The following PALLD variants were observed in gnomAD, a reference collection of about 807,000 sequenced individuals.
PALLD encodes palladin.
A neutral mutation model predicts 123.5 loss-of-function variants in PALLD; 61 were observed. The observed-to-expected ratio is 0.49, with a 90% CI of 0.40 to 0.61. PALLD has a LOEUF of 0.61. Among genes scored for constraint, PALLD ranks in the 20% least tolerant of loss-of-function variants. The probability of loss-of-function intolerance (pLI) is 0.00; values close to 1 mark genes in which losing one functional copy is unlikely to be tolerated. For synonymous variants in PALLD, 465 were observed against 496.4 expected, an observed-to-expected ratio of 0.94 and a Z score of 0.84; for missense variants, 1,273 against 1,377.0, an observed-to-expected ratio of 0.92 and a Z score of 1.20.
At chr4:168,785,289 G>T (rs1736551626) in intron 10 of PALLD, among the ~76,000 whole-genome samples, 1 of 151,982 alleles carries the variant, frequency 6.6e-6, no homozygotes, top group South Asian at 2.1e-4. Context: ...AAGGAGCTTC[G>T]CTGTTTGTTC....
intron 2 of PALLD, among the ~76,000 whole-genome samples, chr4:168,524,432 A>G (rs891999078): frequency 2.0e-5 from 3 of 152,220 alleles, no homozygotes; most frequent in African/African-American, 7.2e-5. Flanking sequence ...ACTGAGACAA[A>G]CTGGCTCCTG....
chr4:168,556,689 A>C (rs1364813283), intron 2 of PALLD, among the ~76,000 whole-genome samples: 2 of 152,214 alleles, frequency 1.3e-5, no homozygotes, highest in Non-Finnish European at 2.9e-5. Context: ...CATTGTTACT[A>C]TCAGTCTTAA....
rs1163126584 is a variant in PALLD, at chr4:168,511,661, T to A, written c.157T>A (p.Ser53Thr). 6.2e-7 allele frequency: 1 copy of A among 1,614,168 alleles called. No homozygotes were observed. The highest frequency in any genetic ancestry group is 1.1e-5 in the South Asian group (1 of 91,084). ...CCTGGCCCGGAGAGCCATAGCCGACTCCGAAACAGAAGATTTTGACTCGGA... is the reference window on the plus strand; with the variant it reads ...CCTGGCCCGGAGAGCCATAGCCGACACCGAAACAGAAGATTTTGACTCGGA... ...LDLARRAIAD[S>T]ETEDFDSEKE... Residue 53 changes from serine to threonine, a missense_variant, in exon 2 of 22, where the codon TCC (serine) becomes ACC (threonine). Physicochemically the swap from Ser to Thr is moderately conservative, Grantham distance 58 (BLOSUM62 1). This residue lies in a region of PALLD where 944 missense variants were observed against 954.5 expected (regional missense o/e 0.99). Transcript: ENST00000505667.
intron 10 of PALLD, among the ~76,000 whole-genome samples, chr4:168,749,331 C>T (rs1054425707): frequency 1.3e-5 from 2 of 151,826 alleles, no homozygotes; most frequent in Admixed American, 1.3e-4. Context: ...CTCAGGTAGT[C>T]CTTTATAGAA....
At chr4:168,670,042 A>G (rs990885656) in intron 3 of PALLD, among the ~76,000 whole-genome samples, 1 of 152,198 alleles carries the variant, frequency 6.6e-6, no homozygotes, top group Non-Finnish European at 1.5e-5. Flanking sequence ...TTAAAATTTC[A>G]CTAATGAGTT....
intron 2 of PALLD, among the ~76,000 whole-genome samples, chr4:168,528,889 CTAA>C (rs1764325003): frequency 2.0e-5 from 3 of 152,060 alleles, no homozygotes. Flanking sequence ...TGAGTAAACT[CTAA>C]TGAGAACAAA....
chr4:168,588,198 T>C (rs56111623), intron 2 of PALLD, among the ~76,000 whole-genome samples: 16,029 of 152,022 alleles, frequency 0.11, 934 homozygotes, highest in African/African-American at 0.14. Flanking sequence ...AGGATCACTG[T>C]GAGCCCTGGG....
intron 2 of PALLD, among the ~76,000 whole-genome samples, chr4:168,658,832 G>A (rs1186706707): frequency 6.6e-6 from 1 of 152,134 alleles, no homozygotes. Flanking sequence ...ATTATTTCCT[G>A]GGCTTTGAAT....
At chr4:168,801,172 A>T (rs1045576324) in intron 10 of PALLD, among the ~76,000 whole-genome samples, 2 of 152,182 alleles carry the variant, frequency 1.3e-5, no homozygotes, top group African/African-American at 4.8e-5. Flanking sequence ...ACCCAGGGGT[A>T]TGAGGGGGAG....
chr4:168,823,115 A>T (rs7679980), intron 10 of PALLD, among the ~76,000 whole-genome samples: 7,141 of 152,200 alleles, frequency 0.047, 557 homozygotes, highest in African/African-American at 0.16. Flanking sequence ...TCATTATTAT[A>T]TGGTCATCAT....
intron 2 of PALLD, among the ~76,000 whole-genome samples, chr4:168,591,028 T>C (rs913218515): frequency 6.6e-6 from 1 of 151,852 alleles, no homozygotes; most frequent in Non-Finnish European, 1.5e-5. Context: ...TACGGGCCTG[T>C]GCCACCATAC....
chr4:168,539,412 A>G (rs1179082002), intron 2 of PALLD, among the ~76,000 whole-genome samples: 1 of 151,772 alleles, frequency 6.6e-6, no homozygotes, highest in African/African-American at 2.4e-5. Context: ...ACATGGAGAA[A>G]CCCCATTTCT....
At chr4:168,753,246 A>G (rs1439771958) in intron 10 of PALLD, among the ~76,000 whole-genome samples, 1 of 152,146 alleles carries the variant, frequency 6.6e-6, no homozygotes, top group South Asian at 2.1e-4. Flanking sequence ...GTAGGGAGGT[A>G]TATAGGCTTT....
intron 10 of PALLD, chr4:168,832,953 C>T (rs1744513364): frequency 6.6e-6 from 1 of 152,296 alleles, no homozygotes; most frequent in African/African-American, 2.4e-5. Context: ...CGCGCACCGG[C>T]CACGCGTGGG....
chr4:168,649,833 TATC>T (rs1777852883), intron 2 of PALLD, among the ~76,000 whole-genome samples: 1 of 152,238 alleles, frequency 6.6e-6, no homozygotes, highest in Admixed American at 6.5e-5. Flanking sequence ...GGTATTCTAA[TATC>T]ATTTTGTTTT....
intron 10 of PALLD, among the ~76,000 whole-genome samples, chr4:168,767,459 A>G (rs1561500673): frequency 6.6e-6 from 1 of 152,180 alleles, no homozygotes; most frequent in Non-Finnish European, 1.5e-5. Context: ...AACTTAGGCT[A>G]ATACCAGTAA....
rs574805760 is a variant in PALLD at position 168,570,292 on chromosome 4, T to C, written c.908+57880T>C. ...ATGCTGAAATGTTTGGTTTTTGTTTTTAGCCCAGAAGAAAATTCCCATAAA... is the reference window on the plus strand; with the variant it reads ...ATGCTGAAATGTTTGGTTTTTGTTTCTAGCCCAGAAGAAAATTCCCATAAA... On this transcript the variant is annotated intron_variant, in intron 2 of 21. Coordinates refer to ENST00000505667, the MANE Select transcript of PALLD (RefSeq NM_001166108.2). 1.1e-4 allele frequency among the ~76,000 whole-genome samples: 17 copies of C among 152,304 alleles called. 1 individual carries two copies. Among genetic ancestry groups the C allele is most frequent in the African/African-American group, 4.1e-4 (17 of 41,570 alleles).
At chr4:168,837,551 T>C (rs1030683282) in intron 10 of PALLD, among the ~76,000 whole-genome samples, 3 of 152,232 alleles carry the variant, frequency 2.0e-5, no homozygotes, top group African/African-American at 7.2e-5. Flanking sequence ...AATCATAGAA[T>C]ATATACCGTT....
chr4:168,553,130 G>A (rs769937884), intron 2 of PALLD, among the ~76,000 whole-genome samples: 2 of 152,074 alleles, frequency 1.3e-5, no homozygotes, highest in East Asian at 1.9e-4. Flanking sequence ...AGAGATATTA[G>A]GTAAGTCACC....
Sources: gnomAD v4.1 joint callset for allele counts (sites outside exome capture counted in the v4.1 genomes callset) on GRCh38, gnomAD v4.1.1 for gene constraint, gnomAD v4.1.1 regional missense constraint, MANE v1.5 for transcripts, NCBI Gene and HGNC (gene_info 2026-07-23, HGNC 2026-07-21) for gene names.